EEF1AKMT1: variants seen among roughly 807,000 people sequenced by gnomAD.
EEF1AKMT1 encodes the protein N-6 adenine-specific DNA methyltransferase 2 (putative).
Under a neutral mutation model 21.0 loss-of-function variants are expected in EEF1AKMT1, and 18 were observed. The observed-to-expected ratio is 0.86, with a 90% confidence interval of 0.59 to 1.27. The LOEUF is 1.27. Ranked by LOEUF, EEF1AKMT1 falls within the 50% of genes most tolerant of loss-of-function variation. The pLI is 0.00. For missense variants in EEF1AKMT1, 246 were observed against 258.6 expected (o/e 0.95, Z 0.33); for synonymous variants, 109 against 94.8 (o/e 1.15, Z -0.87).
intron 2 of EEF1AKMT1, among the ~76,000 whole-genome samples, chr13:20,738,869 T>C (rs563196495): frequency 7.2e-5 from 11 of 152,164 alleles, no homozygotes; most frequent in East Asian, 1.9e-4. Flanking sequence ...TGGTTTCTTT[T>C]AGACGCAACG....
intron 2 of EEF1AKMT1, chr13:20,747,369 C>T: frequency 8.6e-6 from 2 of 231,556 alleles, no homozygotes; most frequent in South Asian, 7.8e-5. Flanking sequence ...TTTGCCTTCA[C>T]TTTCCTGTCC....
At chr13:20,762,119 T>C (rs2059004116) in intron 1 of EEF1AKMT1, among the ~76,000 whole-genome samples, 2 of 151,402 alleles carry the variant, frequency 1.3e-5, no homozygotes, top group Admixed American at 1.3e-4. Flanking sequence ...TTCCAATCCA[T>C]AAAACATGGC....
intron 2 of EEF1AKMT1, among the ~76,000 whole-genome samples, chr13:20,741,816 T>C (rs921724562): frequency 6.6e-6 from 1 of 152,226 alleles, no homozygotes; most frequent in African/African-American, 2.4e-5. Flanking sequence ...TGATCATTCA[T>C]ATGACCAGTC....
Position 20,732,122 on chromosome 13 carries a change from C to T in EEF1AKMT1, c.228-1G>A, listed in dbSNP as rs376461692. The T allele has an allele frequency of 6.2e-7, 1 of 1,604,388 alleles. No homozygotes were observed. Among genetic ancestry groups the T allele is most frequent in the Non-Finnish European group, 8.5e-7 (1 of 1,175,646 alleles). Reference sequence around the variant, plus strand: ...ACTAGGGGCACTCACACATGCGATTCTAGGAGACAAAATGAACACACCATG... The same window carrying T: ...ACTAGGGGCACTCACACATGCGATTTTAGGAGACAAAATGAACACACCATG... On this transcript the variant is annotated splice_acceptor_variant, in intron 3 of 4. Coordinates refer to ENST00000382758, the MANE Select transcript of EEF1AKMT1 (RefSeq NM_001318939.2). LOFTEE classifies it high-confidence loss of function.
intron 2 of EEF1AKMT1, among the ~76,000 whole-genome samples, chr13:20,751,784 C>T (rs951763549): frequency 3.9e-5 from 6 of 152,030 alleles, no homozygotes; most frequent in African/African-American, 9.7e-5. Context: ...TCCGTGAGCA[C>T]GGGATGTCTT....
At chr13:20,729,953 G>T (rs967759935) in intron 4 of EEF1AKMT1, among the ~76,000 whole-genome samples, 1 of 152,136 alleles carries the variant, frequency 6.6e-6, no homozygotes, top group African/African-American at 2.4e-5. Flanking sequence ...GCGTCCCGTC[G>T]CCTTGGGCTT....
chr13:20,735,590 C>CGG (rs1555325465), intron 3 of EEF1AKMT1, among the ~76,000 whole-genome samples: 1 of 152,076 alleles, frequency 6.6e-6, no homozygotes, highest in Admixed American at 6.5e-5. Flanking sequence ...GTCTTAGACA[C>CGG]GGGGGTTCCC....
At chr13:20,729,870 C>T (rs994786033) in intron 4 of EEF1AKMT1, among the ~76,000 whole-genome samples, 2 of 152,234 alleles carry the variant, frequency 1.3e-5, no homozygotes, top group Non-Finnish European at 2.9e-5. Context: ...AGCAACAGCC[C>T]GCGGTGCCCA....
intron 2 of EEF1AKMT1, among the ~76,000 whole-genome samples, chr13:20,752,986 C>G (rs919217639): frequency 4.6e-5 from 7 of 151,994 alleles, no homozygotes; most frequent in African/African-American, 1.7e-4. Context: ...CATTTTGGGA[C>G]TGGTTTGTTC....
Position 20,738,107 on chromosome 13 carries a change from G to T in EEF1AKMT1, c.145-302C>A, listed in dbSNP as rs578257418. On this transcript the variant is annotated intron_variant, in intron 2 of 4. Transcript: ENST00000382758. ...CCCGATAGAACATACCCCTACCTTT[G>T]TGTGAGTTTTGCCAAAAAAATAAAA... Among the ~76,000 whole-genome samples, 31 of 152,282 alleles carry T rather than the reference G, an allele frequency of 2.0e-4. No homozygotes were observed. The East Asian group carries it at 6.0e-3, about 29-fold the overall frequency.
intron 1 of EEF1AKMT1, among the ~76,000 whole-genome samples, chr13:20,763,303 C>T (rs1360997246): frequency 6.6e-6 from 1 of 152,042 alleles, no homozygotes; most frequent in Admixed American, 6.6e-5. Context: ...CACCCTGCAC[C>T]CCATTTATAT....
At chr13:20,770,428 T>C (rs146154392) in intron 1 of EEF1AKMT1, among the ~76,000 whole-genome samples, 21 of 152,314 alleles carry the variant, frequency 1.4e-4, no homozygotes, top group Middle Eastern at 3.4e-3. Flanking sequence ...CGGGGTTGTC[T>C]ATAGAAGTCC....
intron 1 of EEF1AKMT1, among the ~76,000 whole-genome samples, chr13:20,764,170 ACT>A (rs1211194263): frequency 2.6e-5 from 4 of 152,218 alleles, no homozygotes; most frequent in African/African-American, 9.6e-5. Flanking sequence ...AGTTTAGAAC[ACT>A]GTTTTGAGAC....
chr13:20,731,645 C>G (rs981360239), intron 4 of EEF1AKMT1, among the ~76,000 whole-genome samples, 196 bp downstream of exon 4: 3 of 152,220 alleles, frequency 2.0e-5, no homozygotes, highest in Non-Finnish European at 4.4e-5. Flanking sequence ...TACTTTGTGT[C>G]ACTTAATTCT....
At chr13:20,729,249 T>C (rs745498866) in intron 4 of EEF1AKMT1, 33 bp from the exon 5 acceptor site, 3 of 1,612,870 alleles carry the variant, frequency 1.9e-6, no homozygotes, top group East Asian at 2.2e-5. Context: ...ATCCAGAGAG[T>C]GACAACCCAG....
intron 4 of EEF1AKMT1, among the ~76,000 whole-genome samples, chr13:20,730,403 C>T (rs2058786095): frequency 6.6e-6 from 1 of 152,186 alleles, no homozygotes; most frequent in African/African-American, 2.4e-5. Flanking sequence ...CAAGCGCGGC[C>T]CGGAGGGACT....
At chr13:20,752,377 T>C (rs926015903) in intron 2 of EEF1AKMT1, among the ~76,000 whole-genome samples, 5 of 152,096 alleles carry the variant, frequency 3.3e-5, no homozygotes, top group African/African-American at 1.2e-4. Context: ...TTTTTTAAAA[T>C]GCTTTTTCTG....
chr13:20,760,607 G>T (rs923341616), intron 1 of EEF1AKMT1, among the ~76,000 whole-genome samples: 1 of 152,050 alleles, frequency 6.6e-6, no homozygotes, highest in African/African-American at 2.4e-5. Flanking sequence ...TCAATATTGG[G>T]TGATGGGTTC....
At chr13:20,750,170 A>C (rs1041467713) in intron 2 of EEF1AKMT1, among the ~76,000 whole-genome samples, 1 of 152,180 alleles carries the variant, frequency 6.6e-6, no homozygotes, top group African/African-American at 2.4e-5. Context: ...TAGGGTATCC[A>C]TCACCTTGAG....
Sources: allele counts gnomAD v4.1 joint callset (sites outside exome capture counted in the v4.1 genomes callset), GRCh38; gene constraint gnomAD v4.1.1; transcripts MANE v1.5; gene names NCBI Gene and HGNC (gene_info 2026-07-23, HGNC 2026-07-21).